Variants in AGBL4 observed in about 807,000 individuals in gnomAD.
AGBL4 encodes the protein AGBL carboxypeptidase 4, also known as cytosolic carboxypeptidase 6.
AGBL4 carries 58 observed loss-of-function variants against 66.4 expected under a neutral mutation model. That is an observed-to-expected ratio of 0.87 (90% CI 0.71 to 1.09). AGBL4 has a LOEUF of 1.09. Ranked by LOEUF, AGBL4 falls within the 50% of genes least tolerant of loss-of-function variation. The pLI is 0.00. For synonymous variants in AGBL4, 234 were observed against 222.9 expected, an observed-to-expected ratio of 1.05 and a Z score of -0.44; for missense variants, 579 against 631.0, an observed-to-expected ratio of 0.92 and a Z score of 0.88.
chr1:49,822,488 G>A (rs1043422298), intron 2 of AGBL4, among the ~76,000 whole-genome samples: 8 of 152,076 alleles, frequency 5.3e-5, no homozygotes, highest in South Asian at 2.1e-4. Context: ...ACAACGCCTG[G>A]CTAATTTTGT....
chr1:49,744,947 A>G (rs923222865), intron 2 of AGBL4, among the ~76,000 whole-genome samples: 10 of 152,120 alleles, frequency 6.6e-5, no homozygotes, highest in African/African-American at 2.2e-4. Flanking sequence ...AATAATTTAA[A>G]TGGTACACTA....
intron 2 of AGBL4, among the ~76,000 whole-genome samples, chr1:49,703,198 C>T (rs1232039589): frequency 1.3e-5 from 2 of 149,158 alleles, no homozygotes; most frequent in Non-Finnish European, 3.0e-5. Context: ...AATCCACATA[C>T]CAAAAAAAAA....
intron 4 of AGBL4, among the ~76,000 whole-genome samples, chr1:49,145,513 T>C (rs1646200483): frequency 6.6e-6 from 1 of 152,204 alleles, no homozygotes; most frequent in Non-Finnish European, 1.5e-5. Context: ...TTCCAGACAA[T>C]TGTTTTAATG....
intron 4 of AGBL4, among the ~76,000 whole-genome samples, chr1:49,056,352 G>T (rs1238961152): frequency 6.6e-6 from 1 of 152,118 alleles, no homozygotes; most frequent in East Asian, 1.9e-4. Flanking sequence ...ATAAGGTAAT[G>T]ATAAGAATAA....
chr1:48,831,029 A>C (rs957221882), intron 6 of AGBL4, among the ~76,000 whole-genome samples: 2 of 152,208 alleles, frequency 1.3e-5, no homozygotes, highest in South Asian at 4.1e-4. Flanking sequence ...CCTGTGAAGT[A>C]AAAGGGAGCA....
intron 5 of AGBL4, among the ~76,000 whole-genome samples, chr1:48,926,877 T>C (rs1322445406): frequency 6.6e-6 from 1 of 152,128 alleles, no homozygotes; most frequent in Non-Finnish European, 1.5e-5. Context: ...GTAGTAGCAC[T>C]AGTAGTGGCA....
At chr1:48,598,370 T>C (rs555903813) in intron 9 of AGBL4, among the ~76,000 whole-genome samples, 2 of 152,290 alleles carry the variant, frequency 1.3e-5, no homozygotes, top group East Asian at 1.9e-4. Flanking sequence ...GTGACCATCA[T>C]AGAGTGTACT....
intron 9 of AGBL4, among the ~76,000 whole-genome samples, chr1:48,592,164 G>A (rs1214568252): frequency 6.6e-6 from 1 of 152,118 alleles, no homozygotes. Context: ...ACAGAATAAC[G>A]GGGACTGACA....
chr1:48,536,261 T>G (rs1643969049), intron 12 of AGBL4, among the ~76,000 whole-genome samples: 1 of 152,054 alleles, frequency 6.6e-6, no homozygotes, highest in South Asian at 2.1e-4. Context: ...AACAGCTAAC[T>G]TGTTCAGGCT....
At chr1:49,896,608 AACACACACACAC>A (rs58132063) in intron 1 of AGBL4, among the ~76,000 whole-genome samples, 13,866 of 133,766 alleles carry the variant, frequency 0.1, 824 homozygotes, top group African/African-American at 0.14. Flanking sequence ...GACCCATGAA[AACACACACACAC>A]ACACACACAC....
chr1:49,841,957 T>G (rs1557502561), intron 2 of AGBL4: 2 of 561,460 alleles, frequency 3.6e-6, no homozygotes, highest in Non-Finnish European at 6.5e-6. Flanking sequence ...GTCCTCCACC[T>G]CGTACCTGGC....
At chr1:49,885,300 C>T (rs909527039) in intron 1 of AGBL4, among the ~76,000 whole-genome samples, 1 of 151,872 alleles carries the variant, frequency 6.6e-6, no homozygotes, top group Non-Finnish European at 1.5e-5. Context: ...CCCACAAATT[C>T]TCAGCCAAAA....
At chr1:49,263,267 G>A (rs1261718744) in intron 3 of AGBL4, among the ~76,000 whole-genome samples, 1 of 148,984 alleles carries the variant, frequency 6.7e-6, no homozygotes, top group South Asian at 2.2e-4. Context: ...TAACTAACCT[G>A]CACATTGTGC....
chr1:49,927,835 A>G (rs1330095064), intron 1 of AGBL4, among the ~76,000 whole-genome samples: 1 of 152,254 alleles, frequency 6.6e-6, no homozygotes. Context: ...ATTATGTAGC[A>G]TGCAATAGTC....
chr1:49,938,565 T>C (rs1654366376), intron 1 of AGBL4, among the ~76,000 whole-genome samples: 1 of 152,104 alleles, frequency 6.6e-6, no homozygotes, highest in Non-Finnish European at 1.5e-5. Context: ...TAAACCAATA[T>C]CCTTGATGAA....
chr1:48,831,329 C>T (rs1305868525), intron 6 of AGBL4, among the ~76,000 whole-genome samples: 2 of 152,102 alleles, frequency 1.3e-5, no homozygotes, highest in Non-Finnish European at 2.9e-5. Flanking sequence ...CTACTGGGGC[C>T]CAGAACAAGG....
intron 3 of AGBL4, among the ~76,000 whole-genome samples, chr1:49,264,840 C>T (rs1336979905): frequency 3.9e-5 from 6 of 152,136 alleles, no homozygotes; most frequent in African/African-American, 1.4e-4. Context: ...CCACCACGCC[C>T]GGCCCTCCCA....
At chr1:48,716,097 T>G (rs1344884096) in intron 6 of AGBL4, among the ~76,000 whole-genome samples, 1 of 152,182 alleles carries the variant, frequency 6.6e-6, no homozygotes, top group Non-Finnish European at 1.5e-5. Flanking sequence ...ATCTTGCAAT[T>G]AAAGCAAACT....
In AGBL4 at chr1:49,083,599, T is replaced by C. The variant is rs565512881; in HGVS notation, c.378-37799A>G. 3.3e-5 allele frequency among the ~76,000 whole-genome samples: 5 copies of C among 152,334 alleles called. No homozygotes were observed. The East Asian group carries it at 7.7e-4, about 24-fold the overall frequency. ...CTGGGCCCAGCCCACAAAACCATTT[T>C]TTCCTTCTAGGTTCCCAGGCTTGTG... On this transcript the variant is annotated intron_variant, in intron 4 of 13. Transcript: ENST00000371839.
Sources: allele counts gnomAD v4.1 joint callset (sites outside exome capture counted in the v4.1 genomes callset), GRCh38; gene constraint gnomAD v4.1.1; transcripts MANE v1.5; gene names NCBI Gene and HGNC (gene_info 2026-07-23, HGNC 2026-07-21).